AGAP1: variants seen among roughly 807,000 people sequenced by gnomAD.
The protein encoded by AGAP1 is arf-GAP with GTPase, ANK repeat and PH domain-containing protein 1.
In AGAP1, 29 loss-of-function variants were observed where a neutral mutation model predicts 105.3. The observed-to-expected ratio is 0.28, with a 90% CI of 0.21 to 0.38. AGAP1 has a LOEUF of 0.38. Ranked by LOEUF, AGAP1 falls within the 10% of genes least tolerant of loss-of-function variation. The pLI is 1.00. For missense variants in AGAP1, 998 were observed against 1,165.1 expected (o/e 0.86, Z 2.09); for synonymous variants, 509 against 485.9 (o/e 1.05, Z -0.63).
chr2:235,821,382 A>ATTTTTTTTTTTTT (rs200107062), intron 9 of AGAP1, among the ~76,000 whole-genome samples: 6 of 133,814 alleles, frequency 4.5e-5, no homozygotes, highest in East Asian at 2.2e-4. Context: ...CAGAACTTCA[A>ATTTTTTTTTTTTT]TTTTTTTTTT....
rs552394389 is a variant in AGAP1, at chr2:235,586,699, C to T, written c.163+91850C>T. ...CTGTGCAGGACTGCCCCGTACAGTA[C>T]GGCTTCTATGTGTGAACAACACAGA... On this transcript the variant is annotated intron_variant, in intron 1 of 17. Coordinates refer to ENST00000304032, the MANE Select transcript of AGAP1 (RefSeq NM_001037131.3). This position sits in a 1 kb window ranked among gnomAD's most constrained non-coding sequence, Gnocchi z 4.2. 4.6e-5 allele frequency among the ~76,000 whole-genome samples: 7 copies of T among 152,128 alleles called. No homozygotes were observed. Among genetic ancestry groups the T allele is most frequent in the African/African-American group, 7.2e-5 (3 of 41,434 alleles).
At chr2:235,605,962 T>C (rs981028725) in intron 1 of AGAP1, among the ~76,000 whole-genome samples, 2 of 152,238 alleles carry the variant, frequency 1.3e-5, no homozygotes, top group African/African-American at 4.8e-5. Context: ...CCTGGTGAAA[T>C]TACAGAGCTT....
rs910827118 is a variant in AGAP1 at position 235,551,380 on chromosome 2, C to G, written c.163+56531C>G. Among the ~76,000 whole-genome samples the G allele has an allele frequency of 6.6e-6, 1 of 152,066 alleles. No homozygotes were observed. Among genetic ancestry groups the G allele is most frequent in the Non-Finnish European group, 1.5e-5 (1 of 68,004 alleles). Reference sequence around the variant, plus strand: ...AGTGCAGTGGCTTGATCATAGCTCACTGCAGCCTCAACCTCCCCAGGCTCA... The same window carrying G: ...AGTGCAGTGGCTTGATCATAGCTCAGTGCAGCCTCAACCTCCCCAGGCTCA... On this transcript the variant is annotated intron_variant, in intron 1 of 17. Coordinates refer to ENST00000304032, the MANE Select transcript of AGAP1 (RefSeq NM_001037131.3). The surrounding 1 kb of genome is among the most constrained non-coding windows in gnomAD (Gnocchi z 4.8).
At position 235,748,590 on chromosome 2, in the gene AGAP1, G is replaced by C. The variant is rs531288712; in HGVS notation, c.539-1764G>C. ...CAGAGAAGAAACCCTTAACTGCAGA[G>C]TTCACTTGCCTTCCAGTAACGAGGA... On this transcript the variant is annotated intron_variant, in intron 5 of 17. Transcript: ENST00000304032. 2.2e-3 allele frequency among the ~76,000 whole-genome samples: 330 copies of C among 152,300 alleles called. 2 individuals are homozygous for C. The South Asian group carries it at 0.031, about 14-fold the overall frequency.
Position 235,776,815 on chromosome 2 carries a change from G to A in AGAP1, c.674-20944G>A, listed in dbSNP as rs190491415. 4.5e-4 allele frequency: 203 copies of A among 450,258 alleles called. 1 individual carries two copies. Among genetic ancestry groups the A allele is most frequent in the African/African-American group, 3.2e-3 (160 of 49,608 alleles). The allele number at this position is 450,258 out of a possible 1,614,324, so 27.9% of individuals were successfully genotyped here. A position where few individuals can be genotyped will look rare whatever the true frequency, so the allele number is the denominator to read the frequency against. ...CCTTGCTCTGAGCGAAAACCTGCCC[G>A]TCCCTCAGGCATCGGCACCAACTCG... On this transcript the variant is annotated intron_variant, in intron 6 of 17. Coordinates refer to ENST00000304032, the MANE Select transcript of AGAP1 (RefSeq NM_001037131.3).
At position 235,725,282 on chromosome 2, in the gene AGAP1, A is replaced by G. The variant is rs1299203806; in HGVS notation, c.310+7638A>G. Reference sequence around the variant, plus strand: ...TAAATGTGTTCTCAGGAGCACGTGTATCTTAAATATGTTTTAACGAATGTT... The same window carrying G: ...TAAATGTGTTCTCAGGAGCACGTGTGTCTTAAATATGTTTTAACGAATGTT... On this transcript the variant is annotated intron_variant, in intron 3 of 17. Transcript: ENST00000304032. The surrounding 1 kb of genome is among the most constrained non-coding windows in gnomAD (Gnocchi z 5.7). Among the ~76,000 whole-genome samples, 1 of 152,224 alleles carries G rather than the reference A, an allele frequency of 6.6e-6. No individual in the cohort carries two copies. The highest frequency in any genetic ancestry group is 2.4e-5 in the African/African-American group (1 of 41,460).
chr2:235,497,053 T>C (rs1379310132), intron 1 of AGAP1, among the ~76,000 whole-genome samples: 1 of 152,228 alleles, frequency 6.6e-6, no homozygotes, highest in African/African-American at 2.4e-5. Context: ...TGATACCACT[T>C]TTCATTTCTG....
At chr2:235,999,288 AGGTGGTGGTGGTGATGGTGATGGTGGT>A (rs1287915133) in intron 13 of AGAP1, among the ~76,000 whole-genome samples, 4 of 110,088 alleles carry the variant, frequency 3.6e-5, no homozygotes, top group Admixed American at 8.5e-5. Flanking sequence ...CGATGCTGAG[AGGTGGTGGTGGTGATGGTGATGGTGGT>A]GGTGGTGGTG....
Position 235,753,445 on chromosome 2 carries a change from C to T in AGAP1, c.673+2957C>T, listed in dbSNP as rs1224500968. Among the ~76,000 whole-genome samples, 1 of 152,120 alleles carries T rather than the reference C, an allele frequency of 6.6e-6. No individual in the cohort carries two copies. Among genetic ancestry groups the T allele is most frequent in the African/African-American group, 2.4e-5 (1 of 41,438 alleles). ...TTTGGCTGGGCGCAGTGGCTCAGGC[C>T]TGTAATCCCAACACTTTGGGAGGCT... On this transcript the variant is annotated intron_variant, in intron 6 of 17. Transcript: ENST00000304032. The surrounding 1 kb of genome is among the most constrained non-coding windows in gnomAD (Gnocchi z 4.5).
chr2:235,935,463 C>G (rs1311220344), intron 12 of AGAP1, among the ~76,000 whole-genome samples: 2 of 152,150 alleles, frequency 1.3e-5, no homozygotes, highest in African/African-American at 4.8e-5. Flanking sequence ...ATTTTTGCAG[C>G]AAGAGAGAAT....
chr2:236,029,423 G>A (rs940395206), intron 13 of AGAP1, among the ~76,000 whole-genome samples: 27 of 147,622 alleles, frequency 1.8e-4, no homozygotes, highest in African/African-American at 5.1e-4. Flanking sequence ...TTACAGGTGC[G>A]TGCCACCACA....
At chr2:236,041,061 C>G (rs537284922) in intron 15 of AGAP1, among the ~76,000 whole-genome samples, 7 of 152,276 alleles carry the variant, frequency 4.6e-5, no homozygotes, top group African/African-American at 1.7e-4. Context: ...TGAGTCTTTC[C>G]TTGCCTTAGG....
rs760762062 is a variant in AGAP1, at chr2:235,988,839, C to T, written c.1645+20216C>T. ...TGTTTCCCAGACTGGGCGTCACTGT[C>T]GCCTCCTTGACTCTCATCACTCACA... On this transcript the variant is annotated intron_variant, in intron 13 of 17. Coordinates refer to ENST00000304032, the MANE Select transcript of AGAP1 (RefSeq NM_001037131.3). This position sits in a 1 kb window ranked among gnomAD's most constrained non-coding sequence, Gnocchi z 4.7. Among the ~76,000 whole-genome samples the T allele has an allele frequency of 3.3e-5, 5 of 152,150 alleles. No individual in the cohort carries two copies. Among genetic ancestry groups the T allele is most frequent in the Non-Finnish European group, 5.9e-5 (4 of 68,036 alleles).
Position 235,631,254 on chromosome 2 carries a change from G to A in AGAP1, c.164-77925G>A, listed in dbSNP as rs1237349676. On this transcript the variant is annotated intron_variant, in intron 1 of 17. Transcript: ENST00000304032. The surrounding 1 kb of genome is among the most constrained non-coding windows in gnomAD (Gnocchi z 5.4). ...AACTGGAATGCTGTCAGATCCCAGG[G>A]TAACAAAAGGGTGGTGTCCCCTAAA... is the stretch of plus-strand genomic sequence containing the variant. Among the ~76,000 whole-genome samples the A allele has an allele frequency of 6.6e-6, 1 of 152,200 alleles. No homozygotes were observed. The highest frequency in any genetic ancestry group is 1.5e-5 in the Non-Finnish European group (1 of 68,034).
chr2:235,643,431 CAAAAAAAAA>C (rs56146940), intron 1 of AGAP1, among the ~76,000 whole-genome samples: 31 of 61,418 alleles, frequency 5.0e-4, no homozygotes, highest in African/African-American at 1.2e-3. Context: ...GACTGGGTCT[CAAAAAAAAA>C]AAAAAAAAAA....
In AGAP1 at chr2:235,635,267, A is replaced by G. The variant is rs1425915174; in HGVS notation, c.164-73912A>G. 6.6e-6 allele frequency among the ~76,000 whole-genome samples: 1 copy of G among 152,152 alleles called. No homozygotes were observed. The highest frequency in any genetic ancestry group is 1.5e-5 in the Non-Finnish European group (1 of 68,032). ...TCCGTGTCCTCATCTGAAAATGGGA[A>G]TGAGGATGCCTATCCGAGGTGACTT... On this transcript the variant is annotated intron_variant, in intron 1 of 17. Coordinates refer to ENST00000304032, the MANE Select transcript of AGAP1 (RefSeq NM_001037131.3). This position sits in a 1 kb window ranked among gnomAD's most constrained non-coding sequence, Gnocchi z 5.3.
At chr2:236,107,384 G>A (rs997768873) in intron 16 of AGAP1, among the ~76,000 whole-genome samples, 8 of 152,154 alleles carry the variant, frequency 5.3e-5, no homozygotes, top group Admixed American at 1.3e-4. Context: ...CCTCCCTGCC[G>A]GGCTGCTGTG....
At chr2:235,840,013 T>C (rs1332035153) in intron 9 of AGAP1, among the ~76,000 whole-genome samples, 1 of 152,228 alleles carries the variant, frequency 6.6e-6, no homozygotes, top group East Asian at 1.9e-4. Context: ...AGGAAAATAA[T>C]TTTCCATCTA....
intron 1 of AGAP1, among the ~76,000 whole-genome samples, chr2:235,538,650 C>T (rs1168700069): frequency 3.3e-5 from 5 of 152,072 alleles, no homozygotes; most frequent in Non-Finnish European, 5.9e-5. Flanking sequence ...TACCCTCTTC[C>T]TCTTTGGTTC....
Sources: allele counts gnomAD v4.1 joint callset (sites outside exome capture counted in the v4.1 genomes callset), GRCh38; gene constraint gnomAD v4.1.1; non-coding constraint Gnocchi (gnomAD v3.1); transcripts MANE v1.5; gene names NCBI Gene and HGNC (gene_info 2026-07-23, HGNC 2026-07-21).